C11orf16: variants seen among roughly 807,000 people sequenced by gnomAD.
C11orf16 encodes the protein chromosome 11 open reading frame 16.
Under a neutral mutation model 45.1 loss-of-function variants are expected in C11orf16, and 38 were observed. The observed-to-expected ratio is 0.84, with a 90% confidence interval of 0.65 to 1.10. The LOEUF is 1.10. Ranked by LOEUF, C11orf16 falls within the 50% of genes least tolerant of loss-of-function variation. C11orf16 has a pLI of 0.00. For missense variants in C11orf16, 583 were observed against 569.5 expected, an observed-to-expected ratio of 1.02 and a Z score of -0.24; for synonymous variants, 221 against 222.0, an observed-to-expected ratio of 1.00 and a Z score of 0.04.
chr11:8,920,548 G>A, intron 6 of C11orf16, 98 bp from the exon 7 acceptor site: 1 of 593,286 alleles, frequency 1.7e-6, no homozygotes, highest in East Asian at 3.1e-5. Flanking sequence ...GTGGCCGAGT[G>A]CGGTGGCTCA....
chr11:8,927,681 C>T (rs1374424094), intron 3 of C11orf16: 4 of 456,402 alleles, frequency 8.8e-6, no homozygotes, highest in South Asian at 4.6e-5. Context: ...CTCAGCACTG[C>T]CCTTGCAGTC....
chr11:8,920,948 A>G (rs1589930683), intron 6 of C11orf16, among the ~76,000 whole-genome samples: 2 of 152,318 alleles, frequency 1.3e-5, no homozygotes, highest in East Asian at 1.9e-4. Context: ...TCCTTGGGAA[A>G]GGTGCCAGTA....
intron 6 of C11orf16, 60 bp downstream of exon 6, chr11:8,921,234 A>T: frequency 7.4e-7 from 1 of 1,359,634 alleles, no homozygotes. Flanking sequence ...TGTGACCCAA[A>T]AGGTCTAAGA....
At chr11:8,926,185 C>CTT (rs59858402) in intron 4 of C11orf16, 78 bp from the exon 5 acceptor site, 141,860 of 857,740 alleles carry the variant, frequency 0.17, 3,861 homozygotes, top group South Asian at 0.2. Context: ...TTTTTCTTTT[C>CTT]TTTTTTTTTT....
At chr11:8,931,341 A>T (rs987145773) in intron 2 of C11orf16, among the ~76,000 whole-genome samples, 1 of 151,550 alleles carries the variant, frequency 6.6e-6, no homozygotes, top group African/African-American at 2.4e-5. Flanking sequence ...TTCCTGCCTC[A>T]GCCTCCTGAG....
At chr11:8,931,778 G>A (rs565992767) in intron 2 of C11orf16, among the ~76,000 whole-genome samples, 13 of 152,068 alleles carry the variant, frequency 8.5e-5, no homozygotes, top group African/African-American at 2.9e-4. Context: ...TGCTTGCCTC[G>A]GCCTTCCAAA....
chr11:8,928,119 G>T (rs1291114302), intron 3 of C11orf16, among the ~76,000 whole-genome samples: 1 of 152,054 alleles, frequency 6.6e-6, no homozygotes, highest in African/African-American at 2.4e-5. Flanking sequence ...CGTTGGCCAG[G>T]CTGGTCTCGA....
At chr11:8,927,246 C>A in intron 3 of C11orf16, 72 bp from the exon 4 acceptor site, 3 of 1,211,652 alleles carry the variant, frequency 2.5e-6, no homozygotes, top group Admixed American at 2.0e-5. Context: ...AGGTTCCCTA[C>A]GATGCCCCCC....
rs1201972974 is a variant in C11orf16, at chr11:8,929,405, T to C, written c.296A>G (p.Tyr99Cys). The C allele has an allele frequency of 6.2e-7, 1 of 1,613,744 alleles. No homozygotes were observed. Among genetic ancestry groups the C allele is most frequent in the East Asian group, 2.2e-5 (1 of 44,864 alleles). ...LARREADGFY[Y>C]RAQIKATPEL... The stretch of plus-strand genomic sequence containing the variant: ...GGGAGTGGCCTTTATTTGGGCCCGG[T>C]AGTAAAAACCATCTGCTTCCCTTCT... Residue 99 changes from tyrosine to cysteine, a missense_variant, in exon 3 of 7, where the codon TAC becomes TGC. By Grantham distance (194) the Tyr-to-Cys change is radical. Transcript: ENST00000326053.
intron 3 of C11orf16, among the ~76,000 whole-genome samples, chr11:8,928,144 G>A (rs1445471465): frequency 6.6e-6 from 1 of 152,112 alleles, no homozygotes; most frequent in Non-Finnish European, 1.5e-5. Context: ...CTGATCTCAG[G>A]TAACCCACCC....
chr11:8,932,336 G>A lies in C11orf16; in HGVS notation c.-18-10C>T, dbSNP rs1330337504. ...CCTTCAGAGGATCCACCTGAGAATA[G>A]GCACCACCATTACCTGAGCTGCAGC... On this transcript the variant is annotated splice_polypyrimidine_tract_variant and intron_variant, in intron 1 of 6. Transcript: ENST00000326053. The A allele has an allele frequency of 6.4e-7, 1 of 1,562,406 alleles. No individual in the cohort carries two copies. Among genetic ancestry groups the A allele is most frequent in the South Asian group, 1.2e-5 (1 of 83,262 alleles).
rs377380647 is a variant in C11orf16 at position 8,925,897 on chromosome 11, A to G, written c.770T>C (p.Leu257Pro). 1.9e-6 allele frequency: 3 copies of G among 1,614,084 alleles called. No individual in the cohort carries two copies. The highest frequency in any genetic ancestry group is 1.3e-5 in the African/African-American group (1 of 74,942). ...GPITGRITNE[L>P]PPDAPFLCPL... ...GCACAGGAATGGAGCATCCGGAGGA[A>G]GCTCATTAGTGATGCGCCCAGTGAT... Residue 257 changes from leucine (L) to proline (P), a missense_variant, in exon 5 of 7, where the codon CTT becomes CCT. Leu to Pro is a moderately conservative substitution (Grantham distance 98, BLOSUM62 -3). Transcript: ENST00000326053.
intron 3 of C11orf16, chr11:8,927,785 G>T: frequency 3.0e-6 from 1 of 328,988 alleles, no homozygotes. Flanking sequence ...AGTACTCTGT[G>T]ATTTAGAAGA....
chr11:8,927,294 G>A (rs2064621319), intron 3 of C11orf16, 120 bp from the exon 4 acceptor site: 4 of 722,880 alleles, frequency 5.5e-6, no homozygotes, highest in African/African-American at 1.8e-5. Context: ...ACAGTGACAG[G>A]CACCTAAAGA....
intron 5 of C11orf16, among the ~76,000 whole-genome samples, chr11:8,923,810 G>C (rs887086369): frequency 4.0e-5 from 6 of 151,614 alleles, no homozygotes; most frequent in African/African-American, 1.5e-4. Flanking sequence ...CACTTTGTTG[G>C]TCAGGCTGGT....
At chr11:8,928,681 T>G (rs973657318) in intron 3 of C11orf16, among the ~76,000 whole-genome samples, 1 of 152,150 alleles carries the variant, frequency 6.6e-6, no homozygotes, top group South Asian at 2.1e-4. Flanking sequence ...TTAAATTTTT[T>G]GTAGAGACAG....
At chr11:8,922,092 A>G (rs947320022) in intron 5 of C11orf16, among the ~76,000 whole-genome samples, 3 of 152,268 alleles carry the variant, frequency 2.0e-5, no homozygotes, top group African/African-American at 7.2e-5. Context: ...TGTGTCTTCT[A>G]AACTGCCAGT....
Position 8,926,032 on chromosome 11 carries a change from G to A in C11orf16, c.635C>T (p.Ser212Leu), listed in dbSNP as rs141794498. ...AAKVPLGGVQ[S>L]VSLTIWKKAV... ...CTTCTTCCAGATGGTCAGGGACACC[G>A]ACTGGACCCCACCTAGGGGCACTTT... Residue 212 changes from serine (S) to leucine (L), a missense_variant, in exon 5 of 7, where the codon TCG becomes TTG. Physicochemically the swap from Ser to Leu is moderately radical, Grantham distance 145. Transcript: ENST00000326053. 4.5e-5 allele frequency: 72 copies of A among 1,614,042 alleles called. No homozygotes were observed. In the African/African-American group the frequency reaches 6.9e-4, roughly 16 times the overall value.
At position 8,926,256 on chromosome 11, in the gene C11orf16, G is replaced by T. The variant is rs2064612617; in HGVS notation, c.560-149C>A. Reference sequence around the variant, plus strand: ...TGCAGTGGCACAGTGATAGCTCACTGCAGCCTCAACCTCCCAGGCTCAAGC... The same window carrying T: ...TGCAGTGGCACAGTGATAGCTCACTTCAGCCTCAACCTCCCAGGCTCAAGC... On this transcript the variant is annotated intron_variant, in intron 4 of 6. Coordinates refer to ENST00000326053, the MANE Select transcript of C11orf16 (RefSeq NM_020643.3). The T allele has an allele frequency of 3.9e-6, 3 of 776,286 alleles. No individual in the cohort carries two copies. The East Asian group carries it at 8.4e-5, about 22-fold the overall frequency. 48.1% of individuals were successfully genotyped at this position (776,286 alleles called of 1,614,324 possible). A position where few individuals can be genotyped will look rare whatever the true frequency, so the allele number is the denominator to read the frequency against.
Sources: allele counts gnomAD v4.1 joint callset (sites outside exome capture counted in the v4.1 genomes callset), GRCh38; gene constraint gnomAD v4.1.1; transcripts MANE v1.5; gene names NCBI Gene and HGNC (gene_info 2026-07-23, HGNC 2026-07-21).